Variants in ASTN2 observed in about 807,000 individuals in gnomAD.
ASTN2 encodes astrotactin-2.
In ASTN2, 54 loss-of-function variants were observed where a neutral mutation model predicts 139.8. That is an observed-to-expected ratio of 0.39 (90% CI 0.31 to 0.48). The LOEUF is 0.48. Among genes scored for constraint, ASTN2 ranks in the 20% least tolerant of loss-of-function variants. The pLI, the probability that ASTN2 is intolerant of heterozygous loss-of-function variation, is 0.95. For missense variants in ASTN2, 1,565 were observed against 1,725.1 expected (o/e 0.91, Z 1.64); for synonymous variants, 756 against 719.5 (o/e 1.05, Z -0.81).
At chr9:117,324,140 A>G (rs184111458) in intron 1 of ASTN2, among the ~76,000 whole-genome samples, 5 of 152,292 alleles carry the variant, frequency 3.3e-5, no homozygotes, top group African/African-American at 1.2e-4. Context: ...AGCCACACTC[A>G]TGCAAGCTCA....
chr9:116,476,363 T>C (rs1301624807), intron 20 of ASTN2, among the ~76,000 whole-genome samples: 1 of 152,190 alleles, frequency 6.6e-6, no homozygotes, highest in African/African-American at 2.4e-5. Flanking sequence ...CAGGTAGATG[T>C]GAATTTTTCA....
chr9:116,568,481 A>C (rs1853348170), intron 19 of ASTN2: 1 of 152,204 alleles, frequency 6.6e-6, no homozygotes, highest in East Asian at 1.9e-4. Context: ...CAGAACCTGA[A>C]TCGGTAGCCA....
chr9:117,206,362 A>G (rs1831923345), intron 3 of ASTN2, among the ~76,000 whole-genome samples: 1 of 152,166 alleles, frequency 6.6e-6, no homozygotes, highest in Non-Finnish European at 1.5e-5. Context: ...AAACACCTAC[A>G]GTCCCTACTA....
At chr9:117,163,617 C>T (rs1041538708) in intron 3 of ASTN2, among the ~76,000 whole-genome samples, 5 of 152,068 alleles carry the variant, frequency 3.3e-5, no homozygotes, top group African/African-American at 1.2e-4. Context: ...ATAAAAATTA[C>T]TTAGCATGGA....
chr9:116,826,867 T>A (rs2132278383), intron 11 of ASTN2, among the ~76,000 whole-genome samples: 1 of 152,262 alleles, frequency 6.6e-6, no homozygotes, highest in Admixed American at 6.5e-5. Context: ...TTCACCACAA[T>A]CTCAACTAAC....
chr9:117,012,405 A>AGTAACTTT (rs1376952350), intron 6 of ASTN2, among the ~76,000 whole-genome samples: 1 of 152,204 alleles, frequency 6.6e-6, no homozygotes, highest in Non-Finnish European at 1.5e-5. Context: ...CCTGAAAAGA[A>AGTAACTTT]GTAACTTTGT....
intron 1 of ASTN2, among the ~76,000 whole-genome samples, chr9:117,300,524 G>T (rs556888777): frequency 1.3e-5 from 2 of 152,210 alleles, no homozygotes; most frequent in South Asian, 4.1e-4. Flanking sequence ...GTGTGGTAAT[G>T]ACCACAAGAT....
chr9:117,360,269 G>A (rs1000461794), intron 1 of ASTN2, among the ~76,000 whole-genome samples: 2 of 152,150 alleles, frequency 1.3e-5, no homozygotes, highest in African/African-American at 4.8e-5. Flanking sequence ...AAGAGCTTAT[G>A]GTTTAGTGGG....
At chr9:116,475,400 C>T (rs182902443) in intron 20 of ASTN2, among the ~76,000 whole-genome samples, 313 of 152,288 alleles carry the variant, frequency 2.1e-3, no homozygotes, top group African/African-American at 7.0e-3. Context: ...TAACAGCTCC[C>T]TGCTGCCCTG....
chr9:116,457,040 T>G (rs1848353840), intron 20 of ASTN2, among the ~76,000 whole-genome samples: 1 of 151,898 alleles, frequency 6.6e-6, no homozygotes, highest in South Asian at 2.1e-4. Flanking sequence ...AACTCAGAAA[T>G]AAATCCACAC....
rs559982851 is a variant in ASTN2 at position 117,100,326 on chromosome 9, A to C, written c.1169-4175T>G. ...TTCAGAGTGAAAACTGAGGCTCAGA[A>C]ACAATGTCTATAAACCAGATTCAAT... On this transcript the variant is annotated intron_variant, in intron 4 of 22. Coordinates refer to ENST00000313400, the MANE Select transcript of ASTN2 (RefSeq NM_001365068.1). Among the ~76,000 whole-genome samples the C allele has an allele frequency of 3.3e-5, 5 of 152,318 alleles. No individual in the cohort carries two copies. The South Asian group carries it at 1.0e-3, about 32-fold the overall frequency.
intron 20 of ASTN2, among the ~76,000 whole-genome samples, chr9:116,449,233 C>T (rs929924344): frequency 1.3e-5 from 2 of 151,992 alleles, no homozygotes; most frequent in Admixed American, 1.3e-4. Flanking sequence ...TGGTGAAACC[C>T]CATCTCTACA....
At chr9:116,867,920 T>G (rs990779699) in intron 10 of ASTN2, among the ~76,000 whole-genome samples, 1 of 152,186 alleles carries the variant, frequency 6.6e-6, no homozygotes, top group Non-Finnish European at 1.5e-5. Context: ...CACTGGCGTT[T>G]TCTTAACTCG....
intron 19 of ASTN2, among the ~76,000 whole-genome samples, chr9:116,519,560 A>G (rs1293968586): frequency 6.6e-6 from 1 of 152,166 alleles, no homozygotes; most frequent in Non-Finnish European, 1.5e-5. Flanking sequence ...AAAAGTCTGA[A>G]AGAGCATAAA....
chr9:116,673,308 G>C (rs923108694), intron 16 of ASTN2, among the ~76,000 whole-genome samples: 2 of 152,020 alleles, frequency 1.3e-5, no homozygotes, highest in African/African-American at 4.8e-5. Flanking sequence ...ACAATTCACC[G>C]GTTACATATC....
intron 19 of ASTN2, among the ~76,000 whole-genome samples, chr9:116,536,322 A>C (rs920439637): frequency 5.3e-5 from 8 of 151,508 alleles, no homozygotes; most frequent in Non-Finnish European, 1.0e-4. Flanking sequence ...TAGCTCGGAG[A>C]AGTTTGGTCT....
chr9:117,336,226 T>G (rs1043608170), intron 1 of ASTN2, among the ~76,000 whole-genome samples: 9 of 152,130 alleles, frequency 5.9e-5, no homozygotes, highest in Non-Finnish European at 1.2e-4. Flanking sequence ...AGCACACTGG[T>G]GCACAGCTCC....
chr9:117,057,719 T>C (rs1043877707), intron 5 of ASTN2, among the ~76,000 whole-genome samples: 5 of 152,194 alleles, frequency 3.3e-5, no homozygotes, highest in Non-Finnish European at 7.3e-5. Context: ...CCAGTATTAT[T>C]AGCCATGTTG....
intron 18 of ASTN2, among the ~76,000 whole-genome samples, chr9:116,619,728 C>T (rs903832378): frequency 1.6e-5 from 2 of 127,130 alleles, no homozygotes; most frequent in Non-Finnish European, 3.2e-5. Flanking sequence ...GACGAGGTCT[C>T]ATTATGTTGC....
Sources: gnomAD v4.1 joint callset for allele counts (sites outside exome capture counted in the v4.1 genomes callset) on GRCh38, gnomAD v4.1.1 for gene constraint, MANE v1.5 for transcripts, NCBI Gene and HGNC (gene_info 2026-07-23, HGNC 2026-07-21) for gene names.